SLC12A2: variants seen among roughly 807,000 people sequenced by gnomAD.
SLC12A2 encodes solute carrier family 12 member 2, also known as Na-K-2Cl cotransporter 1.
SLC12A2 carries 67 observed loss-of-function variants against 136.3 expected under a neutral mutation model. The observed-to-expected ratio is 0.49, with a 90% CI of 0.40 to 0.60. The LOEUF is 0.60. Ranked by LOEUF, SLC12A2 falls within the 20% of genes least tolerant of loss-of-function variation. The pLI is 0.00. For missense variants in SLC12A2, 1,322 were observed against 1,534.7 expected (o/e 0.86, Z 2.32); for synonymous variants, 619 against 562.9 (o/e 1.10, Z -1.41).
At chr5:128,128,820 A>C (rs1761911395) in intron 4 of SLC12A2, among the ~76,000 whole-genome samples, 1 of 151,146 alleles carries the variant, frequency 6.6e-6, no homozygotes, top group Non-Finnish European at 1.5e-5. Context: ...AAAAAAAAAA[A>C]CCTCTAGGAA....
chr5:128,121,043 C>T (rs1203326204), intron 4 of SLC12A2, among the ~76,000 whole-genome samples: 2 of 151,602 alleles, frequency 1.3e-5, no homozygotes, highest in Non-Finnish European at 2.9e-5. Context: ...GTGAATTTTC[C>T]CTAGTGTTAT....
At chr5:128,100,937 A>C (rs1384600888) in intron 1 of SLC12A2, among the ~76,000 whole-genome samples, 1 of 152,218 alleles carries the variant, frequency 6.6e-6, no homozygotes, top group African/African-American at 2.4e-5. Context: ...GTTAGTAAAG[A>C]ACATGATGGG....
chr5:128,147,662 C>A lies in SLC12A2; in HGVS notation c.1814C>A (p.Ala605Glu). ...TCAGGATTTACACCACTAATTTCTG[C>A]AGGTATATTTTCAGCCACTCTTTCT... ...MVSGFTPLIS[A>E]GIFSATLSSA... Residue 605 changes from alanine (A) to glutamate (E), a missense_variant, in exon 11 of 27, where the codon GCA becomes GAA. Physicochemically the swap from Ala to Glu is moderately radical, Grantham distance 107. Transcript: ENST00000262461. The A allele has an allele frequency of 6.2e-7, 1 of 1,609,906 alleles. No individual in the cohort carries two copies. The highest frequency in any genetic ancestry group is 1.1e-5 in the South Asian group (1 of 90,820).
intron 24 of SLC12A2, among the ~76,000 whole-genome samples, chr5:128,183,863 G>A (rs1011052282): frequency 6.6e-5 from 10 of 151,940 alleles, no homozygotes; most frequent in Admixed American, 2.6e-4. Flanking sequence ...AAGGGGAGGC[G>A]GGGTAGATAA....
In SLC12A2 at chr5:128,084,107, GGAC is replaced by G; in HGVS notation, c.155_157del (p.Asp52del). ...CGGAGGATGCTGCGCCCGCGAGCCG[GGAC>G]GGCGGCGGGGTCCGCGATGAGGGCC... is the stretch of plus-strand genomic sequence containing the variant. On this transcript the variant is annotated inframe_deletion, in exon 1 of 27. Coordinates refer to ENST00000262461, the MANE Select transcript of SLC12A2 (RefSeq NM_001046.3). The surrounding 1 kb of genome is among the most constrained non-coding windows in gnomAD (Gnocchi z 5.6). 1 of 1,311,464 alleles carries G rather than the reference GGAC, an allele frequency of 7.6e-7. No homozygotes were observed. The highest frequency in any genetic ancestry group is 3.7e-5 in the Admixed American group (1 of 27,392). The allele number at this position is 1,311,464 out of a possible 1,614,324, so 81.2% of individuals were successfully genotyped here.
intron 1 of SLC12A2, among the ~76,000 whole-genome samples, chr5:128,089,671 A>G (rs1024659282): frequency 3.9e-5 from 6 of 152,206 alleles, no homozygotes; most frequent in East Asian, 1.9e-4. Flanking sequence ...TAGCATCTGT[A>G]TAAGTGTTTA....
intron 6 of SLC12A2, among the ~76,000 whole-genome samples, chr5:128,135,291 T>C (rs1762149442): frequency 1.3e-5 from 2 of 152,064 alleles, no homozygotes; most frequent in Non-Finnish European, 2.9e-5. Context: ...GTTTGGACCA[T>C]GTATAAAACT....
chr5:128,108,023 T>C (rs1581066264), intron 1 of SLC12A2, among the ~76,000 whole-genome samples: 1 of 152,300 alleles, frequency 6.6e-6, no homozygotes, highest in East Asian at 1.9e-4. Context: ...TGCATTTCTC[T>C]AATGACCAGT....
At chr5:128,125,220 G>A (rs1014230084) in intron 4 of SLC12A2, among the ~76,000 whole-genome samples, 1 of 152,150 alleles carries the variant, frequency 6.6e-6, no homozygotes, top group African/African-American at 2.4e-5. Context: ...CAGATTGCTC[G>A]AGTCTTCTCA....
In SLC12A2 at chr5:128,084,224, C is replaced by T. The variant is rs1581038026; in HGVS notation, c.270C>T (p.Ala90=). The part of the protein sequence containing the change: ...RFQVDLVSEN[A]GRAAAAAAAA... ...AGGTGGACCTGGTTTCCGAGAACGC[C>T]GGGCGGGCCGCTGCTGCGGCGGCGG... is the stretch of plus-strand genomic sequence containing the variant. Residue 90 remains alanine (A), a synonymous_variant, in exon 1 of 27, where the codon GCC becomes GCT. Transcript: ENST00000262461. This position sits in a 1 kb window ranked among gnomAD's most constrained non-coding sequence, Gnocchi z 5.6. 1.6e-6 allele frequency: 2 copies of T among 1,276,872 alleles called. No homozygotes were observed. Among genetic ancestry groups the T allele is most frequent in the African/African-American group, 1.6e-5 (1 of 64,122 alleles). 79.1% of individuals were successfully genotyped at this position (1,276,872 alleles called of 1,614,324 possible).
rs572671685 is a variant in SLC12A2, at chr5:128,124,488, C to T, written c.1049-6579C>T. 5.3e-5 allele frequency among the ~76,000 whole-genome samples: 8 copies of T among 152,142 alleles called. 1 individual carries two copies. The South Asian group carries it at 1.2e-3, about 24-fold the overall frequency. Reference sequence around the variant, plus strand: ...GGTTTGATAATTTGCTAAAATGGCTCCTAGAACTTAAGAAAACAGCTTACT... The same window carrying T: ...GGTTTGATAATTTGCTAAAATGGCTTCTAGAACTTAAGAAAACAGCTTACT... On this transcript the variant is annotated intron_variant, in intron 4 of 26. Coordinates refer to ENST00000262461, the MANE Select transcript of SLC12A2 (RefSeq NM_001046.3).
At position 128,138,812 on chromosome 5, in the gene SLC12A2, CTT is replaced by C; in HGVS notation, c.1537-11_1537-10del. 1 of 1,607,832 alleles carries C rather than the reference CTT, an allele frequency of 6.2e-7. No individual in the cohort carries two copies. Reference sequence around the variant, plus strand: ...TTACAGATAGACTTTAAAAAATCTTCTTGTCTTCTAGGATCCTCAGTCAGCCA... The same window carrying C: ...TTACAGATAGACTTTAAAAAATCTTCGTCTTCTAGGATCCTCAGTCAGCCA... On this transcript the variant is annotated splice_polypyrimidine_tract_variant and intron_variant, in intron 8 of 26. Transcript: ENST00000262461.
chr5:128,104,219 A>G (rs1760845692), intron 1 of SLC12A2, among the ~76,000 whole-genome samples: 1 of 152,342 alleles, frequency 6.6e-6, no homozygotes, highest in African/African-American at 2.4e-5. Context: ...AAAAAATCCT[A>G]GATAATGTAG....
chr5:128,184,686 C>T (rs184809498), intron 25 of SLC12A2, 103 bp from the exon 26 acceptor site: 34 of 1,560,892 alleles, frequency 2.2e-5, no homozygotes, highest in Admixed American at 1.1e-4. Context: ...TTTTATTACA[C>T]GAAAATTCAT....
intron 1 of SLC12A2, among the ~76,000 whole-genome samples, chr5:128,087,970 A>T (rs560302140): frequency 1.7e-4 from 25 of 150,542 alleles, no homozygotes; most frequent in African/African-American, 6.1e-4. Flanking sequence ...GCCTATAAAG[A>T]CAAAGACAAC....
chr5:128,171,973 A>G lies in SLC12A2; in HGVS notation c.2803+227A>G, dbSNP rs113988203. 48 of 358,524 alleles carry G rather than the reference A, an allele frequency of 1.3e-4. 1 individual carries two copies. The highest frequency in any genetic ancestry group is 9.3e-4 in the African/African-American group (44 of 47,240). The allele number at this position is 358,524 out of a possible 1,614,324, so 22.2% of individuals were successfully genotyped here. ...GATTATTTGGATTGAATAAAATTCA[A>G]TCCAAAGCATAAGCTTAAGAGAAAC... On this transcript the variant is annotated intron_variant, in intron 19 of 26. Coordinates refer to ENST00000262461, the MANE Select transcript of SLC12A2 (RefSeq NM_001046.3).
chr5:128,160,255 G>A lies in SLC12A2; in HGVS notation c.2476-1405G>A, dbSNP rs554341464. Among the ~76,000 whole-genome samples, 7 of 152,186 alleles carry A rather than the reference G, an allele frequency of 4.6e-5. No homozygotes were observed. The South Asian group carries it at 1.2e-3, about 27-fold the overall frequency. ...GCCTGTTGGGAGGTGGGGGGGCTCG[G>A]GGAGGGATAGCATTAGGTGAAATAC... is the stretch of plus-strand genomic sequence containing the variant. On this transcript the variant is annotated intron_variant, in intron 16 of 26. Transcript: ENST00000262461.
intron 1 of SLC12A2, among the ~76,000 whole-genome samples, chr5:128,098,467 A>G (rs1760622189): frequency 6.9e-6 from 1 of 145,382 alleles, no homozygotes; most frequent in South Asian, 2.2e-4. Flanking sequence ...GAAATTTCTA[A>G]TGACTGCTTG....
rs184654764 is a variant in SLC12A2 at position 128,174,136 on chromosome 5, G to A, written c.2804-405G>A. Among the ~76,000 whole-genome samples, 15 of 152,088 alleles carry A rather than the reference G, an allele frequency of 9.9e-5. No homozygotes were observed. In the East Asian group the frequency reaches 2.5e-3, roughly 26 times the overall value. On this transcript the variant is annotated intron_variant, in intron 19 of 26. Coordinates refer to ENST00000262461, the MANE Select transcript of SLC12A2 (RefSeq NM_001046.3). Reference sequence around the variant, plus strand: ...GTACTCATTACTGATTCTCCAGCTCGTAATTCAAATACAGTTTGTGTATCT... The same window carrying A: ...GTACTCATTACTGATTCTCCAGCTCATAATTCAAATACAGTTTGTGTATCT...
Sources: allele counts gnomAD v4.1 joint callset (sites outside exome capture counted in the v4.1 genomes callset), GRCh38; gene constraint gnomAD v4.1.1; non-coding constraint Gnocchi (gnomAD v3.1); transcripts MANE v1.5; gene names NCBI Gene and HGNC (gene_info 2026-07-23, HGNC 2026-07-21).